Variants in SLC23A2 observed in about 807,000 individuals in gnomAD.
SLC23A2 encodes solute carrier family 23 member 2, also known as Na(+)/L-ascorbic acid transporter 2.
In SLC23A2, 36 loss-of-function variants were observed where a neutral mutation model predicts 73.3. The ratio of observed to expected loss-of-function variants is 0.49; its 90% confidence interval spans 0.38 to 0.65. SLC23A2 has a LOEUF of 0.65. Among genes scored for constraint, SLC23A2 ranks in the 30% least tolerant of loss-of-function variants. The pLI is 0.00. For synonymous variants in SLC23A2, 343 were observed against 327.3 expected, an observed-to-expected ratio of 1.05 and a Z score of -0.52; for missense variants, 507 against 841.6, an observed-to-expected ratio of 0.60 and a Z score of 4.92.
chr20:4,956,971 C>G (rs1256825565), intron 2 of SLC23A2, among the ~76,000 whole-genome samples: 2 of 151,970 alleles, frequency 1.3e-5, no homozygotes, highest in Non-Finnish European at 2.9e-5. Flanking sequence ...CCATGCCCGG[C>G]TAATTTTATA....
chr20:4,945,261 G>GGAAC, intron 2 of SLC23A2, among the ~76,000 whole-genome samples: 1 of 152,130 alleles, frequency 6.6e-6, no homozygotes, highest in East Asian at 1.9e-4. Context: ...TCATCCTGCA[G>GGAAC]TCTTCTCCAA....
At chr20:4,976,410 T>C (rs1386380377) in intron 1 of SLC23A2, among the ~76,000 whole-genome samples, 1 of 152,108 alleles carries the variant, frequency 6.6e-6, no homozygotes, top group Non-Finnish European at 1.5e-5. Flanking sequence ...GCACGGTGGC[T>C]AACGCCTGTA....
chr20:4,883,672 C>T lies in SLC23A2; in HGVS notation c.794G>A (p.Arg265Lys). ...GLSGFQAAGE[R>K]AGKHWGIAML... ...GGCAATGCCCCAGTGCTTCCCGGCT[C>T]TCTCCCCCGCTGCCTGGAAACCAGA... is the stretch of plus-strand genomic sequence containing the variant. The change falls in exon 9 of 17, where the codon AGA becomes AAA. Residue 265 changes from arginine to lysine, a missense_variant. Arg to Lys is a conservative substitution (Grantham distance 26). This residue lies in a region of SLC23A2 where 217 missense variants were observed against 398.0 expected (regional missense o/e 0.55). Coordinates refer to ENST00000338244, the MANE Select transcript of SLC23A2 (RefSeq NM_005116.6). The surrounding 1 kb of genome is among the most constrained non-coding windows in gnomAD (Gnocchi z 4.5). The T allele has an allele frequency of 6.2e-7, 1 of 1,613,180 alleles. No individual in the cohort carries two copies.
intron 11 of SLC23A2, among the ~76,000 whole-genome samples, chr20:4,870,625 G>A (rs1930410851): frequency 6.6e-6 from 1 of 151,990 alleles, no homozygotes; most frequent in Admixed American, 6.6e-5. Context: ...GCTGGAAGAG[G>A]CTGTAACTTC....
At chr20:4,861,176 T>C (rs1199853030) in intron 15 of SLC23A2, among the ~76,000 whole-genome samples, 1 of 152,150 alleles carries the variant, frequency 6.6e-6, no homozygotes, top group East Asian at 1.9e-4. Context: ...CGTGAATCCA[T>C]AGAAACAGAA....
At chr20:4,873,477 C>T (rs923499626) in intron 11 of SLC23A2, among the ~76,000 whole-genome samples, 2 of 152,154 alleles carry the variant, frequency 1.3e-5, no homozygotes, top group African/African-American at 2.4e-5. Context: ...ACAGCTGTGG[C>T]CAAATTTAAA....
intron 1 of SLC23A2, among the ~76,000 whole-genome samples, chr20:4,985,493 G>A (rs2087809788): frequency 6.6e-6 from 1 of 151,534 alleles, no homozygotes; most frequent in African/African-American, 2.4e-5. Flanking sequence ...TATTGCCCAG[G>A]CTGGAGTGCA....
chr20:4,968,505 G>A (rs1045789099), intron 2 of SLC23A2, among the ~76,000 whole-genome samples: 1 of 152,156 alleles, frequency 6.6e-6, no homozygotes, highest in Non-Finnish European at 1.5e-5. Flanking sequence ...TCAAAATGGG[G>A]ATCAAGAAGC....
At chr20:4,925,363 T>A (rs997451240) in intron 3 of SLC23A2, among the ~76,000 whole-genome samples, 4 of 152,028 alleles carry the variant, frequency 2.6e-5, no homozygotes, top group Non-Finnish European at 4.4e-5. Flanking sequence ...ACTATTCCCC[T>A]CCCTGATTTA....
At position 4,880,164 on chromosome 20, in the gene SLC23A2, C is replaced by G. The variant is rs141421760; in HGVS notation, c.824+3478G>C. 3.8e-3 allele frequency among the ~76,000 whole-genome samples: 575 copies of G among 152,312 alleles called. 3 individuals are homozygous for G. Among genetic ancestry groups the G allele is most frequent in the African/African-American group, 0.013 (548 of 41,566 alleles). ...TTTGTATTAGTTCAGTCAGAATTTG[C>G]CGCTAAGATTGGCTGGGGAGTTTCC... On this transcript the variant is annotated intron_variant, in intron 9 of 16. Coordinates refer to ENST00000338244, the MANE Select transcript of SLC23A2 (RefSeq NM_005116.6).
chr20:4,990,971 C>CAAAAAAAAAA, intron 1 of SLC23A2, among the ~76,000 whole-genome samples: 1 of 56,832 alleles, frequency 1.8e-5, no homozygotes, highest in Non-Finnish European at 3.9e-5. Context: ...AACTCCATCT[C>CAAAAAAAAAA]AAAAAAAAAA....
Position 4,873,976 on chromosome 20 carries a change from G to A in SLC23A2, c.1062C>T (p.Gly354=), listed in dbSNP as rs199761110. The A allele has an allele frequency of 4.7e-5, 76 of 1,614,034 alleles. No individual in the cohort carries two copies. The Middle Eastern group carries it at 1.5e-3, about 31-fold the overall frequency. ...GFYARTDARQ[G]VLLVAPWFKV... ...TAAACCACGGGGCTACCAGAAGCAC[G>A]CCTTGCCTGGCATCTGTGCGAGCAT... The change falls in exon 11 of 17, where the codon GGC becomes GGT. Residue 354 remains glycine, a synonymous_variant. Transcript: ENST00000338244.
intron 1 of SLC23A2, among the ~76,000 whole-genome samples, chr20:4,986,624 T>C (rs1008303137): frequency 7.4e-6 from 1 of 134,492 alleles, no homozygotes; most frequent in African/African-American, 2.6e-5. Flanking sequence ...TTGAAACTTT[T>C]GTCTGAGATA....
chr20:4,984,847 A>T (rs192572539), intron 1 of SLC23A2, among the ~76,000 whole-genome samples: 17 of 152,242 alleles, frequency 1.1e-4, no homozygotes, highest in African/African-American at 4.1e-4. Context: ...AAAATGTTAA[A>T]CATAGAATCG....
At chr20:4,895,177 A>G (rs1237608342) in intron 6 of SLC23A2, among the ~76,000 whole-genome samples, 1 of 152,112 alleles carries the variant, frequency 6.6e-6, no homozygotes, top group Non-Finnish European at 1.5e-5. Flanking sequence ...GACACGAAAA[A>G]CTTTTCCTTC....
chr20:4,969,299 G>C (rs6116601), intron 2 of SLC23A2, among the ~76,000 whole-genome samples: 2 of 152,008 alleles, frequency 1.3e-5, no homozygotes, highest in African/African-American at 4.8e-5. Context: ...ATGTTGTACA[G>C]GCTGGTCTTG....
chr20:4,994,496 T>C (rs1009795604), intron 1 of SLC23A2, among the ~76,000 whole-genome samples: 2 of 151,930 alleles, frequency 1.3e-5, no homozygotes, highest in Non-Finnish European at 2.9e-5. Flanking sequence ...GTATAAGAAA[T>C]TGTGTTGGCC....
At chr20:5,003,057 G>A (rs1004608397), upstream of SLC23A2, among the ~76,000 whole-genome samples, 6 of 152,182 alleles carry the variant, frequency 3.9e-5, no homozygotes, top group Non-Finnish European at 5.9e-5. Context: ...AATGTCGAAT[G>A]TTTTGATCCC....
Position 4,855,826 on chromosome 20 carries a change from G to C in SLC23A2, c.*1146C>G, listed in dbSNP as rs564837102. On this transcript the variant is annotated 3_prime_UTR_variant, in exon 17 of 17. Transcript: ENST00000338244. The stretch of plus-strand genomic sequence containing the variant: ...GTAGTCAGTTTTGATAAATAGATTA[G>C]GCATTACAGTATTTACACTTTCATG... 2 of 152,740 alleles carry C rather than the reference G, an allele frequency of 1.3e-5. No homozygotes were observed. The highest frequency in any genetic ancestry group is 2.9e-5 in the Non-Finnish European group (2 of 68,044). The allele number at this position is 152,740 out of a possible 1,614,324, so 9.5% of individuals were successfully genotyped here.
Sources: allele counts gnomAD v4.1 joint callset (sites outside exome capture counted in the v4.1 genomes callset), GRCh38; gene constraint gnomAD v4.1.1; regional missense constraint gnomAD v4.1.1; non-coding constraint Gnocchi (gnomAD v3.1); transcripts MANE v1.5; gene names NCBI Gene and HGNC (gene_info 2026-07-23, HGNC 2026-07-21).